Variants in ITSN1 observed in about 807,000 individuals in gnomAD.
The protein encoded by ITSN1 is intersectin 1, also known as intersectin-1.
ITSN1 carries 58 observed loss-of-function variants against 239.8 expected under a neutral mutation model. The observed-to-expected ratio is 0.24, with a 90% CI of 0.20 to 0.30. The LOEUF is 0.30. ITSN1 is among the 10% of genes least tolerant of loss of function. ITSN1 has a pLI of 1.00. For missense variants in ITSN1, 1,558 were observed against 2,103.3 expected (o/e 0.74, Z 5.07); for synonymous variants, 780 against 770.8 (o/e 1.01, Z -0.20).
Position 33,767,693 on chromosome 21 carries a change from C to T in ITSN1, c.927-20C>T. The stretch of plus-strand genomic sequence containing the variant: ...GACAGCTCTGTGTGAATCTATTTTT[C>T]TTTTTCCCCGCAATTGCAGAAGAGT... On this transcript the variant is annotated intron_variant, in intron 10 of 39. Transcript: ENST00000381318. 6.9e-7 allele frequency: 1 copy of T among 1,445,818 alleles called. No homozygotes were observed. The highest frequency in any genetic ancestry group is 1.8e-5 in the Admixed American group (1 of 56,106). The allele number at this position is 1,445,818 out of a possible 1,614,324, so 89.6% of individuals were successfully genotyped here.
At chr21:33,724,031 A>G (rs115349945) in intron 4 of ITSN1, among the ~76,000 whole-genome samples, 1 of 152,304 alleles carries the variant, frequency 6.6e-6, no homozygotes, top group African/African-American at 2.4e-5. Flanking sequence ...ATGAAATGTC[A>G]TCATTATGAA....
At chr21:33,655,922 G>A (rs1386148714) in intron 1 of ITSN1, among the ~76,000 whole-genome samples, 1 of 152,096 alleles carries the variant, frequency 6.6e-6, no homozygotes, top group Non-Finnish European at 1.5e-5. Context: ...CAGTTGGGTG[G>A]GGAGGTGGAA....
intron 29 of ITSN1, among the ~76,000 whole-genome samples, chr21:33,850,462 C>T (rs1164968400): frequency 3.3e-5 from 5 of 152,164 alleles, no homozygotes; most frequent in Admixed American, 6.5e-5. Context: ...TTTGCAACTC[C>T]GAGGTCTCAA....
intron 25 of ITSN1, 118 bp downstream of exon 25, chr21:33,823,771 A>T: frequency 1.1e-6 from 1 of 913,212 alleles, no homozygotes; most frequent in Non-Finnish European, 1.7e-6. Flanking sequence ...ATGTGACAGT[A>T]AATCCAGTGT....
Position 33,650,982 on chromosome 21 carries a change from G to A in ITSN1, c.-33+8269G>A, listed in dbSNP as rs971644424. On this transcript the variant is annotated intron_variant, in intron 1 of 39. Transcript: ENST00000381318. ...AATGATTACAGGAGGAAGAAACTTG[G>A]TAGCGGGGTTACCAGGATGTTAGCT... Among the ~76,000 whole-genome samples the A allele has an allele frequency of 5.3e-5, 8 of 152,262 alleles. No homozygotes were observed. The East Asian group carries it at 1.3e-3, about 26-fold the overall frequency.
At chr21:33,753,620 G>T (rs1209673820) in intron 7 of ITSN1, among the ~76,000 whole-genome samples, 1 of 151,800 alleles carries the variant, frequency 6.6e-6, no homozygotes, top group Non-Finnish European at 1.5e-5. Context: ...AAATTAGCTG[G>T]GCGTGGTGGC....
intron 4 of ITSN1, among the ~76,000 whole-genome samples, chr21:33,724,867 C>T (rs1287485282): frequency 6.6e-6 from 1 of 152,058 alleles, no homozygotes; most frequent in African/African-American, 2.4e-5. Flanking sequence ...GTTGTCCATG[C>T]TGGTCTCGAA....
In ITSN1 at chr21:33,826,823, T is replaced by C. The variant is rs2074000180; in HGVS notation, c.3189T>C (p.Ser1063=). The C allele has an allele frequency of 1.9e-6, 3 of 1,613,902 alleles. No homozygotes were observed. Among genetic ancestry groups the C allele is most frequent in the Non-Finnish European group, 2.5e-6 (3 of 1,179,790 alleles). The stretch of plus-strand genomic sequence containing the variant: ...ACCTTTTGCTCTGTTTTAAGGGCTC[T>C]GGAACTGCTGGGAAAACAGGGAGTT... ...NYVRLKDSEG[S]GTAGKTGSLG... Residue 1063 remains serine (S), a synonymous_variant, in exon 26 of 40, where the codon TCT becomes TCC. Coordinates refer to ENST00000381318, the MANE Select transcript of ITSN1 (RefSeq NM_003024.3).
At chr21:33,738,193 C>T (rs2066619703) in intron 5 of ITSN1, among the ~76,000 whole-genome samples, 1 of 151,700 alleles carries the variant, frequency 6.6e-6, no homozygotes, top group African/African-American at 2.4e-5. Flanking sequence ...TCTCAAAAAA[C>T]AAAACAAAAC....
intron 4 of ITSN1, among the ~76,000 whole-genome samples, chr21:33,723,301 G>A (rs751103362): frequency 6.6e-5 from 10 of 152,084 alleles, no homozygotes; most frequent in Non-Finnish European, 1.2e-4. Flanking sequence ...TTAGTGATAC[G>A]AAGGCAGCTC....
At chr21:33,668,271 T>G (rs1322967731) in intron 1 of ITSN1, among the ~76,000 whole-genome samples, 4 of 151,802 alleles carry the variant, frequency 2.6e-5, no homozygotes, top group Non-Finnish European at 5.9e-5. Flanking sequence ...CAAATTGGAG[T>G]CTTTTAGGAT....
intron 29 of ITSN1, among the ~76,000 whole-genome samples, chr21:33,842,872 C>T (rs1038966760): frequency 3.9e-5 from 6 of 152,104 alleles, no homozygotes; most frequent in Non-Finnish European, 8.8e-5. Flanking sequence ...CGCTGTTTCC[C>T]TCAGTGAGAG....
In ITSN1 at chr21:33,778,133, T is replaced by C. The variant is rs184417192; in HGVS notation, c.1596+3025T>C. ...CATTCTTGGGATAAACCACTCTTGGTCATGGTATATTACCCTTTATTAAAA... is the reference window on the plus strand; with the variant it reads ...CATTCTTGGGATAAACCACTCTTGGCCATGGTATATTACCCTTTATTAAAA... On this transcript the variant is annotated intron_variant, in intron 14 of 39. Coordinates refer to ENST00000381318, the MANE Select transcript of ITSN1 (RefSeq NM_003024.3). Among the ~76,000 whole-genome samples, 150 of 152,352 alleles carry C rather than the reference T, an allele frequency of 9.8e-4. 1 individual carries two copies. Among genetic ancestry groups the C allele is most frequent in the African/African-American group, 3.3e-3 (139 of 41,590 alleles).
chr21:33,686,302 G>A (rs546655376), intron 1 of ITSN1, among the ~76,000 whole-genome samples: 1 of 151,974 alleles, frequency 6.6e-6, no homozygotes, highest in African/African-American at 2.4e-5. Context: ...ATCAAAGCAA[G>A]GTGTTAATGT....
At chr21:33,850,957 T>C (rs950171897) in intron 29 of ITSN1, among the ~76,000 whole-genome samples, 12 of 152,118 alleles carry the variant, frequency 7.9e-5, no homozygotes, top group African/African-American at 2.9e-4. Context: ...CCAAGTAGCA[T>C]AGACCCTGCT....
intron 1 of ITSN1, among the ~76,000 whole-genome samples, chr21:33,661,342 G>C (rs1322108610): frequency 3.3e-5 from 5 of 152,044 alleles, no homozygotes; most frequent in Admixed American, 2.6e-4. Context: ...TGAGTATCTA[G>C]TCATACAAGC....
At chr21:33,876,112 T>A (rs1420243942) in intron 34 of ITSN1, among the ~76,000 whole-genome samples, 1 of 5,832 alleles carries the variant, frequency 1.7e-4, no homozygotes, top group Non-Finnish European at 2.8e-4. Context: ...CTTCTTTCTT[T>A]CTTTCTTTCT....
chr21:33,790,763 T>TA (rs1442683913), intron 16 of ITSN1, among the ~76,000 whole-genome samples: 2 of 152,226 alleles, frequency 1.3e-5, no homozygotes, highest in African/African-American at 4.8e-5. Context: ...GAAATGTTGA[T>TA]ACTTTCAGTG....
At chr21:33,796,260 C>A (rs190716646) in intron 17 of ITSN1, among the ~76,000 whole-genome samples, 185 of 152,198 alleles carry the variant, frequency 1.2e-3, no homozygotes, top group Admixed American at 3.6e-3. Flanking sequence ...CATGAGCCAC[C>A]GCGCCTGGCC....
Sources: gnomAD v4.1 joint callset for allele counts (sites outside exome capture counted in the v4.1 genomes callset) on GRCh38, gnomAD v4.1.1 for gene constraint, MANE v1.5 for transcripts, NCBI Gene and HGNC (gene_info 2026-07-23, HGNC 2026-07-21) for gene names.